Variants in RTCA observed in about 807,000 individuals in gnomAD.
RTCA encodes the protein RNA terminal phosphate cyclase domain 1.
A neutral mutation model predicts 46.1 loss-of-function variants in RTCA; 37 were observed. The ratio of observed to expected loss-of-function variants is 0.80; its 90% CI spans 0.62 to 1.06. The LOEUF is 1.06. Among genes scored for constraint, RTCA ranks in the 50% least tolerant of loss-of-function variants. The pLI, the probability that RTCA is intolerant of heterozygous loss-of-function variation, is 0.00. For missense variants in RTCA, 435 were observed against 455.5 expected (o/e 0.95, Z 0.41); for synonymous variants, 164 against 158.3 (o/e 1.04, Z -0.27).
Position 100,291,405 on chromosome 1 carries a change from T to C in RTCA, c.1002T>C (p.Ala334=). 6.2e-7 allele frequency: 1 copy of C among 1,603,560 alleles called. No homozygotes were observed. The highest frequency in any genetic ancestry group is 8.5e-7 in the Non-Finnish European group (1 of 1,172,986). The change falls in exon 11 of 11, where the codon GCT becomes GCC. Residue 334 remains alanine, a splice_region_variant and synonymous_variant. Coordinates refer to ENST00000370128, the MANE Select transcript of RTCA (RefSeq NM_003729.4). ...AIHFAEQIAK[A]KFIVKKSEDE... ...ATATACTCCTCTTCTGATTTCAGGC[T>C]AAATTTATTGTGAAGAAATCAGAAG...
At chr1:100,286,635 T>C (rs1014040673) in intron 9 of RTCA, among the ~76,000 whole-genome samples, 6 of 152,140 alleles carry the variant, frequency 3.9e-5, no homozygotes, top group East Asian at 1.9e-4. Flanking sequence ...TTTAGAAATA[T>C]AGTCCTCGAG....
chr1:100,270,818 T>A (rs895111135), intron 4 of RTCA, 138 bp downstream of exon 4: 1 of 1,108,120 alleles, frequency 9.0e-7, no homozygotes, highest in Non-Finnish European at 1.3e-6. Context: ...TTTCTTTCTT[T>A]TTTTTTTTGA....
intron 7 of RTCA, among the ~76,000 whole-genome samples, chr1:100,276,982 A>G (rs1666425873): frequency 6.6e-6 from 1 of 152,180 alleles, no homozygotes. Flanking sequence ...CTTAGTGCTA[A>G]TGACATGTTA....
rs894160817 is a variant in RTCA at position 100,266,428 on chromosome 1, C to T, written c.45+8C>T. 2 of 1,610,968 alleles carry T rather than the reference C, an allele frequency of 1.2e-6. No homozygotes were observed. Among genetic ancestry groups the T allele is most frequent in the Non-Finnish European group, 1.7e-6 (2 of 1,177,810 alleles). On this transcript the variant is annotated splice_region_variant and intron_variant, in intron 1 of 10. Transcript: ENST00000370128. ...GGCAGCATCATGGAAGGGGTGAGTA[C>T]AGAGCGAAGCGGCCGGGGCTGCAGC... is the stretch of plus-strand genomic sequence containing the variant.
chr1:100,272,450 G>A (rs1222849926), intron 4 of RTCA, among the ~76,000 whole-genome samples: 5 of 151,936 alleles, frequency 3.3e-5, no homozygotes, highest in African/African-American at 1.2e-4. Context: ...CAAATAGAGG[G>A]TTCCAGCTGT....
intron 8 of RTCA, among the ~76,000 whole-genome samples, chr1:100,283,935 G>GAAAAAAAAAAAAAAA (rs763030720): frequency 1.5e-4 from 8 of 55,100 alleles, no homozygotes; most frequent in East Asian, 1.4e-3. Flanking sequence ...AAAAAAAAAA[G>GAAAAAAAAAAAAAAA]AAAAAAAAAA....
intron 8 of RTCA, among the ~76,000 whole-genome samples, chr1:100,279,649 C>A (rs1403787997): frequency 6.6e-6 from 1 of 151,838 alleles, no homozygotes; most frequent in Non-Finnish European, 1.5e-5. Context: ...TATGGTGGCT[C>A]ACACCTATAG....
intron 8 of RTCA, among the ~76,000 whole-genome samples, chr1:100,283,933 AAGAAAAAAAAAAAAAAGAAAAAAC>A (rs1643719437): frequency 1.9e-5 from 1 of 52,296 alleles, no homozygotes. Flanking sequence ...AAAAAAAAAA[AAGAAAAAAAAAAAAAAGAAAAAAC>A]AAGAAAAAAC....
intron 8 of RTCA, among the ~76,000 whole-genome samples, chr1:100,277,898 G>A (rs1262118418): frequency 6.6e-6 from 1 of 151,514 alleles, no homozygotes; most frequent in African/African-American, 2.4e-5. Context: ...TTCATTTCAT[G>A]ATACTGACAT....
At position 100,266,552 on chromosome 1, in the gene RTCA, C is replaced by G. The variant is rs780966925; in HGVS notation, c.74C>G (p.Ala25Gly). ...GGGQILRVST[A>G]LSCLLGLPLR... Reference sequence around the variant, plus strand: ...GGCCAGATCCTGAGAGTCTCTACGGCCTTGAGCTGTCTCCTAGGCCTCCCC... The same window carrying G: ...GGCCAGATCCTGAGAGTCTCTACGGGCTTGAGCTGTCTCCTAGGCCTCCCC... The change falls in exon 2 of 11, where the codon GCC (alanine) becomes GGC (glycine). Residue 25 changes from alanine (A) to glycine (G), a missense_variant. Transcript: ENST00000370128. 1.9e-6 allele frequency: 3 copies of G among 1,614,038 alleles called. No individual in the cohort carries two copies. The East Asian group carries it at 6.7e-5, about 36-fold the overall frequency.
At chr1:100,283,395 C>T (rs1232377445) in intron 8 of RTCA, among the ~76,000 whole-genome samples, 1 of 152,012 alleles carries the variant, frequency 6.6e-6, no homozygotes, top group Non-Finnish European at 1.5e-5. Flanking sequence ...TTCCTCATCT[C>T]AAGTGATCTG....
At chr1:100,271,386 AT>A (rs1666083584) in intron 4 of RTCA, among the ~76,000 whole-genome samples, 2 of 152,172 alleles carry the variant, frequency 1.3e-5, no homozygotes, top group Admixed American at 1.3e-4. Flanking sequence ...AGGTGGGAGG[AT>A]CACTTGAGCC....
intron 10 of RTCA, 116 bp from the exon 11 acceptor site, chr1:100,291,285 CTG>C: frequency 1.6e-6 from 1 of 619,088 alleles, no homozygotes; most frequent in Non-Finnish European, 2.9e-6. Context: ...CTTTGTGTCT[CTG>C]TAGGTTTTTC....
intron 7 of RTCA, among the ~76,000 whole-genome samples, chr1:100,275,992 C>T (rs566249480): frequency 2.6e-5 from 4 of 151,834 alleles, no homozygotes; most frequent in African/African-American, 4.8e-5. Context: ...CCCACCACCA[C>T]GCCCAGCTAA....
intron 2 of RTCA, 197 bp from the exon 3 acceptor site, chr1:100,267,955 A>G: frequency 1.6e-6 from 1 of 627,834 alleles, no homozygotes; most frequent in Non-Finnish European, 2.7e-6. Context: ...GTCTGCAAGG[A>G]AGTGTTAAAA....
chr1:100,287,824 C>T (rs1228337528), intron 10 of RTCA, among the ~76,000 whole-genome samples: 5 of 148,780 alleles, frequency 3.4e-5, no homozygotes, highest in South Asian at 4.2e-4. Context: ...GACAGGGTCT[C>T]ACACTGTTGC....
At chr1:100,266,703 G>A in intron 2 of RTCA, 79 bp downstream of exon 2, 1 of 1,241,578 alleles carries the variant, frequency 8.1e-7, no homozygotes, top group East Asian at 2.6e-5. Flanking sequence ...GGCATCGGGA[G>A]TCCGAGTGGT....
rs575546652 is a variant in RTCA, at chr1:100,269,208, A to G, written c.290+913A>G. On this transcript the variant is annotated intron_variant, in intron 3 of 10. Transcript: ENST00000370128. ...AGGAGCCCCTGTCTCAAAAAAAGAAAAGATAATGACCAAGTGTTTCACTTT... is the reference window on the plus strand; with the variant it reads ...AGGAGCCCCTGTCTCAAAAAAAGAAGAGATAATGACCAAGTGTTTCACTTT... Among the ~76,000 whole-genome samples the G allele has an allele frequency of 3.0e-4, 45 of 152,060 alleles. 1 individual carries two copies. The South Asian group carries it at 8.9e-3, about 30-fold the overall frequency.
chr1:100,268,045 T>A (rs1287405541), intron 2 of RTCA, 107 bp from the exon 3 acceptor site: 12 of 1,512,072 alleles, frequency 7.9e-6, no homozygotes, highest in Non-Finnish European at 9.8e-6. Context: ...TTACTGTGGT[T>A]AGACCTTGCT....
Sources: gnomAD v4.1 joint callset for allele counts (sites outside exome capture counted in the v4.1 genomes callset) on GRCh38, gnomAD v4.1.1 for gene constraint, MANE v1.5 for transcripts, NCBI Gene and HGNC (gene_info 2026-07-23, HGNC 2026-07-21) for gene names.